The following GALM variants were observed in gnomAD, a reference collection of about 807,000 sequenced individuals.
The protein encoded by GALM is galactose mutarotase, also known as aldose 1-epimerase.
In GALM, 43 loss-of-function variants were observed where a neutral mutation model predicts 37.4. That is an observed-to-expected ratio of 1.15 (90% CI 0.90 to 1.48). The LOEUF is 1.48. GALM is among the 40% of genes most tolerant of loss of function. GALM has a pLI of 0.00. For missense variants in GALM, 456 were observed against 419.1 expected, an observed-to-expected ratio of 1.09 and a Z score of -0.77; for synonymous variants, 199 against 170.6, an observed-to-expected ratio of 1.17 and a Z score of -1.30.
At chr2:38,732,048 C>G in intron 6 of GALM, 139 bp downstream of exon 6, 1 of 785,220 alleles carries the variant, frequency 1.3e-6, no homozygotes, top group African/African-American at 1.8e-5. Flanking sequence ...GAGACAGAGT[C>G]TCACTCTTGT....
chr2:38,729,996 C>A (rs1011942512), intron 5 of GALM, among the ~76,000 whole-genome samples: 2 of 152,134 alleles, frequency 1.3e-5, no homozygotes, highest in Non-Finnish European at 2.9e-5. Context: ...GAAGTCACCT[C>A]GGCTGTCACT....
At chr2:38,707,247 A>G (rs559231486) in intron 4 of GALM, among the ~76,000 whole-genome samples, 11 of 152,234 alleles carry the variant, frequency 7.2e-5, no homozygotes, top group African/African-American at 2.4e-4. Flanking sequence ...CGTTAGAGAA[A>G]TGACAGCTGG....
At chr2:38,667,823 T>A (rs927614436) in intron 1 of GALM, among the ~76,000 whole-genome samples, 5 of 151,944 alleles carry the variant, frequency 3.3e-5, no homozygotes, top group African/African-American at 4.8e-5. Flanking sequence ...GGCGACAGAG[T>A]GAGACCCCAT....
chr2:38,707,029 A>G (rs189673980), intron 4 of GALM, among the ~76,000 whole-genome samples: 14 of 150,250 alleles, frequency 9.3e-5, no homozygotes, highest in Admixed American at 8.7e-4. Context: ...AGGCTGTGTG[A>G]TGACCCCGGG....
intron 6 of GALM, 137 bp downstream of exon 6, chr2:38,732,046 G>A (rs929505835): frequency 3.8e-6 from 3 of 794,776 alleles, no homozygotes; most frequent in African/African-American, 1.8e-5. Flanking sequence ...TTGAGACAGA[G>A]TCTCACTCTT....
chr2:38,732,201 C>T (rs942145167), intron 6 of GALM, among the ~76,000 whole-genome samples: 2 of 152,090 alleles, frequency 1.3e-5, no homozygotes, highest in African/African-American at 4.8e-5. Flanking sequence ...GGATTACAGG[C>T]GCCTACCACC....
intron 6 of GALM, among the ~76,000 whole-genome samples, chr2:38,732,293 G>A (rs1666624813): frequency 6.6e-6 from 1 of 152,138 alleles, no homozygotes; most frequent in Non-Finnish European, 1.5e-5. Context: ...CCTGACCTCA[G>A]GTGATCCACC....
chr2:38,689,110 G>A (rs1665611478), intron 3 of GALM, among the ~76,000 whole-genome samples: 2 of 152,284 alleles, frequency 1.3e-5, no homozygotes, highest in Admixed American at 6.5e-5. Context: ...ATGAGCCACC[G>A]CGCCCGGCCT....
At chr2:38,732,026 GGTTT>G (rs1385884701) in intron 6 of GALM, 117 bp downstream of exon 6, 4 of 955,104 alleles carry the variant, frequency 4.2e-6, no homozygotes, top group Non-Finnish European at 3.1e-6. Context: ...TTGTTTGTTT[GGTTT>G]GTTTTTTGAG....
chr2:38,675,546 TGTGTG>T (rs1665236518), intron 1 of GALM, among the ~76,000 whole-genome samples: 6 of 67,854 alleles, frequency 8.8e-5, no homozygotes, highest in African/African-American at 3.8e-4. Context: ...TTTTTTTTTG[TGTGTG>T]TGTGTGTGTG....
chr2:38,666,174 A>C lies in GALM; in HGVS notation c.13A>C (p.Thr5Pro), dbSNP rs753623665. 8.7e-6 allele frequency: 14 copies of C among 1,612,424 alleles called. No homozygotes were observed. The highest frequency in any genetic ancestry group is 1.0e-5 in the Non-Finnish European group (12 of 1,179,188). The change falls in exon 1 of 7, where the codon ACC becomes CCC. Residue 5 changes from threonine to proline, a missense_variant. Coordinates refer to ENST00000272252, the MANE Select transcript of GALM (RefSeq NM_138801.3). MASV[T>P]RAVFGELPSG... Reference sequence around the variant, plus strand: ...CCAAACTTTCCCTATGGCTTCGGTGACCAGGGCCGTGTTTGGAGAGCTGCC... The same window carrying C: ...CCAAACTTTCCCTATGGCTTCGGTGCCCAGGGCCGTGTTTGGAGAGCTGCC...
At chr2:38,672,391 C>G (rs935795870) in intron 1 of GALM, among the ~76,000 whole-genome samples, 5 of 152,124 alleles carry the variant, frequency 3.3e-5, no homozygotes. Flanking sequence ...TTTGGGACTC[C>G]TTTTGGTTAA....
At chr2:38,707,480 C>T (rs1238689646) in intron 4 of GALM, among the ~76,000 whole-genome samples, 1 of 152,082 alleles carries the variant, frequency 6.6e-6, no homozygotes, top group Non-Finnish European at 1.5e-5. Context: ...CTTGGAGTGA[C>T]CAACAGTGTC....
At chr2:38,686,280 T>TTTC (rs1665531527) in intron 3 of GALM, among the ~76,000 whole-genome samples, 1 of 59,962 alleles carries the variant, frequency 1.7e-5, no homozygotes, top group African/African-American at 6.4e-5. Flanking sequence ...TTCTTTCTTA[T>TTTC]TTTGAGATGG....
chr2:38,673,595 G>A (rs1322622106), intron 1 of GALM, among the ~76,000 whole-genome samples: 1 of 152,118 alleles, frequency 6.6e-6, no homozygotes, highest in African/African-American at 2.4e-5. Flanking sequence ...TGGATTACAA[G>A]GTCAGGAGAT....
intron 4 of GALM, among the ~76,000 whole-genome samples, chr2:38,702,417 A>C (rs969176123): frequency 6.6e-6 from 1 of 152,106 alleles, no homozygotes; most frequent in Non-Finnish European, 1.5e-5. Context: ...ATCTCCGAGC[A>C]TGCCTCCCTC....
intron 4 of GALM, among the ~76,000 whole-genome samples, chr2:38,722,136 G>T (rs1172564053): frequency 6.7e-6 from 1 of 148,734 alleles, no homozygotes; most frequent in Admixed American, 6.9e-5. Flanking sequence ...GAGGCAGCTG[G>T]ATCACTTGAG....
At chr2:38,672,898 T>C (rs1665148048) in intron 1 of GALM, among the ~76,000 whole-genome samples, 1 of 151,252 alleles carries the variant, frequency 6.6e-6, no homozygotes, top group Non-Finnish European at 1.5e-5. Flanking sequence ...TAATCCCAGC[T>C]ACTTGGAAGG....
At chr2:38,697,476 T>G (rs1392442808) in intron 4 of GALM, among the ~76,000 whole-genome samples, 2 of 152,228 alleles carry the variant, frequency 1.3e-5, no homozygotes, top group Non-Finnish European at 2.9e-5. Flanking sequence ...TTTCTCTTTA[T>G]AAAAGTTTTA....
Sources: gnomAD v4.1 joint callset for allele counts (sites outside exome capture counted in the v4.1 genomes callset) on GRCh38, gnomAD v4.1.1 for gene constraint, MANE v1.5 for transcripts, NCBI Gene and HGNC (gene_info 2026-07-23, HGNC 2026-07-21) for gene names.